Variants in CDKL2 observed in about 807,000 individuals in gnomAD.
CDKL2 encodes the protein cyclin-dependent kinase-like 2.
CDKL2 carries 64 observed loss-of-function variants against 63.9 expected under a neutral mutation model. That is an observed-to-expected ratio of 1.00 (90% CI 0.82 to 1.23). The LOEUF (loss-of-function observed/expected upper bound fraction) is 1.23. CDKL2 is among the 50% of genes most tolerant of loss of function. CDKL2 has a pLI of 0.00. For missense variants in CDKL2, 656 were observed against 668.0 expected (o/e 0.98, Z 0.20); for synonymous variants, 211 against 229.2 (o/e 0.92, Z 0.72).
chr4:75,580,497 C>G (rs1482599562), intron 13 of CDKL2, among the ~76,000 whole-genome samples: 1 of 151,492 alleles, frequency 6.6e-6, no homozygotes, highest in African/African-American at 2.4e-5. Context: ...GAAACCCCAT[C>G]TCTACCAAAA....
intron 6 of CDKL2, among the ~76,000 whole-genome samples, chr4:75,603,299 C>A (rs1729280029): frequency 6.6e-6 from 1 of 151,496 alleles, no homozygotes; most frequent in Non-Finnish European, 1.5e-5. Context: ...CGCGCCCGGC[C>A]AATAAATGGT....
intron 7 of CDKL2, among the ~76,000 whole-genome samples, chr4:75,600,018 G>C (rs537859934): frequency 3.9e-5 from 6 of 152,294 alleles, no homozygotes; most frequent in African/African-American, 1.4e-4. Context: ...TCAATGATCT[G>C]ACTGGTAGAC....
intron 10 of CDKL2, among the ~76,000 whole-genome samples, chr4:75,595,293 C>T (rs1046200573): frequency 1.7e-4 from 26 of 151,584 alleles, no homozygotes; most frequent in Admixed American, 1.4e-3. Flanking sequence ...CCACTGTAGC[C>T]TCAACTTTCC....
At chr4:75,614,199 T>G in intron 3 of CDKL2, 56 bp downstream of exon 3, 2 of 1,131,926 alleles carry the variant, frequency 1.8e-6, no homozygotes, top group Non-Finnish European at 1.3e-6. Flanking sequence ...TAAGACAGAT[T>G]AAAGGATTAA....
intron 1 of CDKL2, among the ~76,000 whole-genome samples, chr4:75,627,403 C>T (rs557205281): frequency 6.6e-6 from 1 of 152,058 alleles, no homozygotes; most frequent in South Asian, 2.1e-4. Context: ...CTCTGAGTAG[C>T]TGGGATTATA....
intron 1 of CDKL2, among the ~76,000 whole-genome samples, chr4:75,626,310 T>G (rs1428171628): frequency 6.6e-6 from 1 of 152,238 alleles, no homozygotes; most frequent in Non-Finnish European, 1.5e-5. Flanking sequence ...ATTCCATATA[T>G]TTTTAATTCC....
chr4:75,592,009 A>G (rs945395584), intron 11 of CDKL2, 84 bp from the exon 12 acceptor site: 2 of 1,299,656 alleles, frequency 1.5e-6, no homozygotes, highest in Non-Finnish European at 2.1e-6. Flanking sequence ...CGTGTTCCTC[A>G]GTATGTACTT....
chr4:75,585,689 T>C (rs1360333697), intron 12 of CDKL2, among the ~76,000 whole-genome samples: 2 of 152,038 alleles, frequency 1.3e-5, no homozygotes, highest in Non-Finnish European at 2.9e-5. Context: ...GGGAGGCCGA[T>C]GTGGGTGGAT....
intron 12 of CDKL2, among the ~76,000 whole-genome samples, chr4:75,583,966 G>A (rs1178227328): frequency 2.0e-5 from 3 of 152,170 alleles, no homozygotes; most frequent in African/African-American, 4.8e-5. Context: ...CACATTAAAT[G>A]TTAATGGTCT....
intron 13 of CDKL2, among the ~76,000 whole-genome samples, chr4:75,580,011 A>C (rs1728191086): frequency 6.6e-6 from 1 of 152,064 alleles, no homozygotes; most frequent in Non-Finnish European, 1.5e-5. Context: ...GTGACTCATG[A>C]CTGTAATCCC....
At chr4:75,605,356 AACACAC>A (rs140806852) in intron 5 of CDKL2, among the ~76,000 whole-genome samples, 160 bp downstream of exon 5, 1 of 149,368 alleles carries the variant, frequency 6.7e-6, no homozygotes, top group African/African-American at 2.5e-5. Flanking sequence ...TCCATCTCAA[AACACAC>A]ACACACACAC....
At chr4:75,612,131 C>T (rs1461144220) in intron 3 of CDKL2, among the ~76,000 whole-genome samples, 7 of 151,558 alleles carry the variant, frequency 4.6e-5, no homozygotes, top group Non-Finnish European at 1.0e-4. Context: ...CCACCATGCC[C>T]GGCTAATTTT....
intron 6 of CDKL2, among the ~76,000 whole-genome samples, chr4:75,603,041 G>A (rs184023248): frequency 0.15 from 20,517 of 139,308 alleles, 1,987 homozygotes; most frequent in African/African-American, 0.29. Flanking sequence ...CGCCCAGGCC[G>A]GACTGCGGAC....
Position 75,607,316 on chromosome 4 carries a change from AC to A in CDKL2, c.408del (p.Gln136HisfsTer57). The A allele has an allele frequency of 6.2e-7, 1 of 1,614,102 alleles. No individual in the cohort carries two copies. Among genetic ancestry groups the A allele is most frequent in the Non-Finnish European group, 8.5e-7 (1 of 1,179,952 alleles). ...AAATCGCATAGCTTGACAACGCCAG[AC>A]TGGGAGACTAATATATTCTCTGGCT... is the stretch of plus-strand genomic sequence containing the variant. ...DIKPENILVS[Q>X]SGVVKLCDFG... On this transcript the variant is annotated frameshift_variant, in exon 4 of 14. Coordinates refer to ENST00000307465, the MANE Select transcript of CDKL2 (RefSeq NM_001330724.2). LOFTEE classifies it high-confidence loss of function.
intron 12 of CDKL2, among the ~76,000 whole-genome samples, chr4:75,586,037 A>T (rs1728463686): frequency 6.6e-6 from 1 of 152,188 alleles, no homozygotes. Flanking sequence ...AACATGTCTC[A>T]TTGAATCTAA....
intron 7 of CDKL2, among the ~76,000 whole-genome samples, chr4:75,599,548 CAAAAAAAA>C (rs71657365): frequency 1.4e-5 from 1 of 69,654 alleles, no homozygotes; most frequent in East Asian, 4.8e-4. Context: ...GCAACAAGAG[CAAAAAAAA>C]AAAAAAAAAA....
Position 75,600,311 on chromosome 4 carries a change from T to A in CDKL2, c.854A>T (p.Asp285Val), listed in dbSNP as rs577121830. 2 of 1,613,576 alleles carry A rather than the reference T, an allele frequency of 1.2e-6. No individual in the cohort carries two copies. Among genetic ancestry groups the A allele is most frequent in the East Asian group, 2.2e-5 (1 of 44,870 alleles). Reference protein sequence around the residue: ...RPFCAELLHHDFFQMDGFAER... With the variant: ...RPFCAELLHHVFFQMDGFAER... The stretch of plus-strand genomic sequence containing the variant: ...AGCAAATCCATCCATTTGAAAGAAA[T>A]CATGGTGTAGGAGCTCAGCACAGAA... Residue 285 changes from aspartate (D) to valine (V), a missense_variant, in exon 7 of 14, where the codon GAT (aspartate) becomes GTT (valine). Coordinates refer to ENST00000307465, the MANE Select transcript of CDKL2 (RefSeq NM_001330724.2).
At chr4:75,608,029 G>A (rs1163211758) in intron 3 of CDKL2, among the ~76,000 whole-genome samples, 1 of 151,200 alleles carries the variant, frequency 6.6e-6, no homozygotes, top group Non-Finnish European at 1.5e-5. Context: ...AGCCAGGATG[G>A]TCTCGATCTC....
At chr4:75,580,524 G>A (rs1728213672) in intron 13 of CDKL2, among the ~76,000 whole-genome samples, 2 of 151,106 alleles carry the variant, frequency 1.3e-5, no homozygotes, top group Admixed American at 6.6e-5. Context: ...AAAATTAGCC[G>A]GGCTTTGTGG....
Sources: allele counts gnomAD v4.1 joint callset (sites outside exome capture counted in the v4.1 genomes callset), GRCh38; gene constraint gnomAD v4.1.1; transcripts MANE v1.5; gene names NCBI Gene and HGNC (gene_info 2026-07-23, HGNC 2026-07-21).